Variants in SLC25A33 observed in about 807,000 individuals in gnomAD.
The protein encoded by SLC25A33 is bone marrow stromal cell mitochondrial carrier protein.
Under a neutral mutation model 35.5 loss-of-function variants are expected in SLC25A33, and 15 were observed. That is an observed-to-expected ratio of 0.42 (90% CI 0.28 to 0.65). The LOEUF (loss-of-function observed/expected upper bound fraction) is 0.65. SLC25A33 is among the 30% of genes least tolerant of loss of function. The pLI, the probability that SLC25A33 is intolerant of heterozygous loss-of-function variation, is 0.20. For synonymous variants in SLC25A33, 136 were observed against 148.7 expected (o/e 0.91, Z 0.62); for missense variants, 257 against 398.5 (o/e 0.64, Z 3.02).
At chr1:9,558,663 C>T (rs1185920285) in intron 2 of SLC25A33, among the ~76,000 whole-genome samples, 1 of 152,204 alleles carries the variant, frequency 6.6e-6, no homozygotes, top group Non-Finnish European at 1.5e-5. Context: ...TATTTCTCAG[C>T]CCTGCAGCAA....
chr1:9,561,353 G>A (rs1291230799), intron 2 of SLC25A33, among the ~76,000 whole-genome samples: 1 of 152,102 alleles, frequency 6.6e-6, no homozygotes, highest in Non-Finnish European at 1.5e-5. Context: ...TCTTGGATTA[G>A]TCTGTGCTAT....
intron 2 of SLC25A33, among the ~76,000 whole-genome samples, chr1:9,565,791 T>C (rs1220109079): frequency 6.7e-6 from 1 of 149,734 alleles, no homozygotes; most frequent in East Asian, 2.0e-4. Flanking sequence ...GGCAGGAGAA[T>C]GGTGTGAACC....
Position 9,541,395 on chromosome 1 carries a change from C to T in SLC25A33, c.56+1648C>T, listed in dbSNP as rs537004413. 5.9e-5 allele frequency among the ~76,000 whole-genome samples: 9 copies of T among 152,192 alleles called. No homozygotes were observed. The East Asian group carries it at 1.5e-3, about 26-fold the overall frequency. On this transcript the variant is annotated intron_variant, in intron 1 of 6. Coordinates refer to ENST00000302692, the MANE Select transcript of SLC25A33 (RefSeq NM_032315.3). ...CGATCTCCTGACCTCGTGATCCGCC[C>T]GCCTCGGCCTCCCAAAGTGCTGGGA...
At position 9,577,884 on chromosome 1, in the gene SLC25A33, T is replaced by C. The variant is rs76614289; in HGVS notation, c.483-2070T>C. 3.0e-3 allele frequency among the ~76,000 whole-genome samples: 450 copies of C among 152,274 alleles called. 6 individuals are homozygous for C. Among genetic ancestry groups the C allele is most frequent in the East Asian group, 0.024 (123 of 5,170 alleles). ...CTGCTTCTCCCCAAACTGAATAGTTTAGCCCCAAATGTGAATAGCGCCAAG... is the reference window on the plus strand; with the variant it reads ...CTGCTTCTCCCCAAACTGAATAGTTCAGCCCCAAATGTGAATAGCGCCAAG... On this transcript the variant is annotated intron_variant, in intron 5 of 6. Coordinates refer to ENST00000302692, the MANE Select transcript of SLC25A33 (RefSeq NM_032315.3).
intron 1 of SLC25A33, among the ~76,000 whole-genome samples, chr1:9,546,924 C>T (rs1643180650): frequency 6.6e-6 from 1 of 152,146 alleles, no homozygotes; most frequent in South Asian, 2.1e-4. Flanking sequence ...AGCAGCAGCT[C>T]CTGGTATTTC....
In SLC25A33 at chr1:9,573,405, G is replaced by C. The variant is rs944594500; in HGVS notation, c.475G>C (p.Glu159Gln). The change falls in exon 5 of 7, where the codon GAA (glutamate) becomes CAA (glutamine). Residue 159 changes from glutamate (E) to glutamine (Q), a missense_variant. Glu to Gln is a conservative substitution (Grantham distance 29, BLOSUM62 2). Coordinates refer to ENST00000302692, the MANE Select transcript of SLC25A33 (RefSeq NM_032315.3). ...IWMVKTRMQL[E>Q]QKVRGSKQMN... ...GATGGTTAAAACCCGAATGCAGCTA[G>C]AACAGAAGTAAGTTATTATTTGTTC... The C allele has an allele frequency of 6.2e-7, 1 of 1,611,076 alleles. No homozygotes were observed. The highest frequency in any genetic ancestry group is 1.7e-4 in the Middle Eastern group (1 of 6,054).
At chr1:9,546,265 A>G (rs1180069811) in intron 1 of SLC25A33, among the ~76,000 whole-genome samples, 1 of 148,078 alleles carries the variant, frequency 6.8e-6, no homozygotes, top group African/African-American at 2.5e-5. Flanking sequence ...GCTCACTGCA[A>G]ACTCCATCTC....
At chr1:9,553,980 CG>C (rs1349770128) in intron 2 of SLC25A33, among the ~76,000 whole-genome samples, 175 bp downstream of exon 2, 3 of 152,156 alleles carry the variant, frequency 2.0e-5, no homozygotes, top group Non-Finnish European at 4.4e-5. Context: ...CCCCTGGCAG[CG>C]GGGGGTCCCA....
Position 9,583,050 on chromosome 1 carries a change from C to T in SLC25A33, c.*549C>T, listed in dbSNP as rs990192577. On this transcript the variant is annotated 3_prime_UTR_variant, in exon 7 of 7. Transcript: ENST00000302692. ...GACCAGCCTGGCCAACATGGCGAAA[C>T]CCTGTCTCTACTAAAAATACAAAAA... is the stretch of plus-strand genomic sequence containing the variant. 9.2e-5 allele frequency: 14 copies of T among 152,356 alleles called. No individual in the cohort carries two copies. The highest frequency in any genetic ancestry group is 3.4e-4 in the African/African-American group (14 of 41,438). 9.4% of individuals were successfully genotyped at this position (152,356 alleles called of 1,614,324 possible). A position where few individuals can be genotyped will look rare whatever the true frequency, so the allele number is the denominator to read the frequency against.
intron 4 of SLC25A33, among the ~76,000 whole-genome samples, chr1:9,572,481 G>A (rs1009006681): frequency 6.6e-6 from 1 of 151,970 alleles, no homozygotes; most frequent in East Asian, 1.9e-4. Flanking sequence ...AGCCAGGCGC[G>A]GTGGCGGGCA....
chr1:9,555,778 C>T (rs1167977913), intron 2 of SLC25A33, among the ~76,000 whole-genome samples: 4 of 152,078 alleles, frequency 2.6e-5, no homozygotes, highest in South Asian at 4.2e-4. Context: ...TCTGCCTCCT[C>T]GGTTCAAGCG....
chr1:9,555,268 C>T (rs1207936481), intron 2 of SLC25A33, among the ~76,000 whole-genome samples: 1 of 151,854 alleles, frequency 6.6e-6, no homozygotes, highest in Non-Finnish European at 1.5e-5. Context: ...CAGGTGCCCG[C>T]CATCACACCC....
intron 1 of SLC25A33, among the ~76,000 whole-genome samples, chr1:9,547,631 G>A (rs927283373): frequency 6.6e-6 from 1 of 151,944 alleles, no homozygotes; most frequent in Non-Finnish European, 1.5e-5. Flanking sequence ...TGAGGGATGG[G>A]CTGTCTTGTG....
rs55887722 is a variant in SLC25A33, at chr1:9,550,012, T to TATATG, written c.57-3614_57-3613insATATG. On this transcript the variant is annotated intron_variant, in intron 1 of 6. Transcript: ENST00000302692. ...TTTTCTATACATATATATATATATATTTTTTTTTTTTTTTTTTTTTTTTTT... is the reference window on the plus strand; with the variant it reads ...TTTTCTATACATATATATATATATATATATGTTTTTTTTTTTTTTTTTTTTTTTTT... Among the ~76,000 whole-genome samples, 264 of 33,796 alleles carry TATATG rather than the reference T, an allele frequency of 7.8e-3. 17 individuals are homozygous for TATATG. Among genetic ancestry groups the TATATG allele is most frequent in the African/African-American group, 0.022 (255 of 11,516 alleles). 22.2% of individuals were successfully genotyped at this position (33,796 alleles called of 152,430 possible). A position where few individuals can be genotyped will look rare whatever the true frequency, so the allele number is the denominator to read the frequency against.
intron 2 of SLC25A33, among the ~76,000 whole-genome samples, chr1:9,554,242 G>A (rs1190873454): frequency 6.6e-6 from 1 of 152,206 alleles, no homozygotes; most frequent in Non-Finnish European, 1.5e-5. Context: ...GGAGTGCAAT[G>A]GTGCGATCTT....
intron 5 of SLC25A33, among the ~76,000 whole-genome samples, chr1:9,575,230 A>T (rs953563864): frequency 5.3e-5 from 8 of 151,196 alleles, no homozygotes; most frequent in African/African-American, 1.2e-4. Context: ...AAAAAAAAAA[A>T]AAAAATAAGA....
In SLC25A33 at chr1:9,555,028, A is replaced by G. The variant is rs922110381; in HGVS notation, c.236+1223A>G. 7.9e-5 allele frequency among the ~76,000 whole-genome samples: 12 copies of G among 152,148 alleles called. 1 individual carries two copies. In the South Asian group the frequency reaches 2.3e-3, roughly 29 times the overall value. Reference sequence around the variant, plus strand: ...AAAGACATTCATCAAGAAAGCTATCAGTGTAGAGATTTATTTGGGAAATGT... The same window carrying G: ...AAAGACATTCATCAAGAAAGCTATCGGTGTAGAGATTTATTTGGGAAATGT... On this transcript the variant is annotated intron_variant, in intron 2 of 6. Transcript: ENST00000302692.
At chr1:9,570,451 C>T in intron 4 of SLC25A33, 93 bp downstream of exon 4, 1 of 1,081,138 alleles carries the variant, frequency 9.2e-7, no homozygotes. Context: ...AAATTAGCTC[C>T]TTGCTTCCTT....
chr1:9,558,290 CT>C (rs1459735741), intron 2 of SLC25A33, among the ~76,000 whole-genome samples: 1 of 152,222 alleles, frequency 6.6e-6, no homozygotes, highest in Non-Finnish European at 1.5e-5. Context: ...GGACTGCACC[CT>C]TCTGCCTCCG....
Sources: gnomAD v4.1 joint callset for allele counts (sites outside exome capture counted in the v4.1 genomes callset) on GRCh38, gnomAD v4.1.1 for gene constraint, MANE v1.5 for transcripts, NCBI Gene and HGNC (gene_info 2026-07-23, HGNC 2026-07-21) for gene names.